The following PAK5 variants were observed in gnomAD, a reference collection of about 807,000 sequenced individuals.
PAK5 encodes the protein p21 (RAC1) activated kinase 5.
PAK5 carries 16 observed loss-of-function variants against 65.9 expected under a neutral mutation model. The observed-to-expected ratio is 0.24, with a 90% CI of 0.16 to 0.37. The LOEUF (loss-of-function observed/expected upper bound fraction) is 0.37. PAK5 is among the 10% of genes least tolerant of loss of function. The probability of loss-of-function intolerance (pLI) is 1.00; values close to 1 mark genes in which losing one functional copy is unlikely to be tolerated. For synonymous variants in PAK5, 371 were observed against 354.9 expected (o/e 1.05, Z -0.51); for missense variants, 785 against 903.9 (o/e 0.87, Z 1.69).
intron 2 of PAK5, among the ~76,000 whole-genome samples, chr20:9,646,613 T>A (rs1412245493): frequency 6.6e-6 from 1 of 152,156 alleles, no homozygotes; most frequent in African/African-American, 2.4e-5. Flanking sequence ...TGGCCCACAA[T>A]GTTTCATTCT....
intron 1 of PAK5, among the ~76,000 whole-genome samples, chr20:9,777,692 T>C (rs1389131481): frequency 1.3e-5 from 2 of 152,200 alleles, no homozygotes; most frequent in Non-Finnish European, 2.9e-5. Context: ...GGAAGATCAT[T>C]ATATACATAT....
At chr20:9,810,789 C>T (rs2049289613) in intron 1 of PAK5, among the ~76,000 whole-genome samples, 1 of 152,126 alleles carries the variant, frequency 6.6e-6, no homozygotes, top group South Asian at 2.1e-4. Flanking sequence ...CACCATATCT[C>T]ACAAAAATGA....
chr20:9,655,082 C>G (rs533111198), intron 2 of PAK5, among the ~76,000 whole-genome samples: 1 of 152,232 alleles, frequency 6.6e-6, no homozygotes, highest in South Asian at 2.1e-4. Context: ...TTCCCTTCCA[C>G]TAGACTTACT....
chr20:9,734,453 A>G (rs2123563571), intron 1 of PAK5, among the ~76,000 whole-genome samples: 1 of 152,284 alleles, frequency 6.6e-6, no homozygotes. Context: ...CAGAAATGAC[A>G]TTAGGGAATA....
At chr20:9,738,135 C>T (rs1034583785) in intron 1 of PAK5, among the ~76,000 whole-genome samples, 20 of 151,152 alleles carry the variant, frequency 1.3e-4, no homozygotes, top group African/African-American at 2.4e-4. Flanking sequence ...GAGTGAGACT[C>T]GGTCTCAAAA....
At position 9,592,648 on chromosome 20, in the gene PAK5, A is replaced by G. The variant is rs77499784; in HGVS notation, c.205-11718T>C. On this transcript the variant is annotated intron_variant, in intron 3 of 9. Coordinates refer to ENST00000353224, the MANE Select transcript of PAK5 (RefSeq NM_177990.4). ...TTGTCCAGCAAATATGCAGCACTCT[A>G]TGGGCAGCTTCTGCAAAGGTGGGAC... Among the ~76,000 whole-genome samples, 232 of 152,338 alleles carry G rather than the reference A, an allele frequency of 1.5e-3. 3 individuals are homozygous for G. Among genetic ancestry groups the G allele is most frequent in the East Asian group, 0.011 (55 of 5,186 alleles).
At position 9,622,900 on chromosome 20, in the gene PAK5, C is replaced by T. The variant is rs2046791095; in HGVS notation, c.204+21225G>A. ...CCTGGTGTGTGCTCAGTCTGTATCTCTCTCTCTGTTTCTCTCTCTCTTTAT... is the reference window on the plus strand; with the variant it reads ...CCTGGTGTGTGCTCAGTCTGTATCTTTCTCTCTGTTTCTCTCTCTCTTTAT... On this transcript the variant is annotated intron_variant, in intron 3 of 9. Transcript: ENST00000353224. Among the ~76,000 whole-genome samples, 3 of 152,196 alleles carry T rather than the reference C, an allele frequency of 2.0e-5. No individual in the cohort carries two copies. The South Asian group carries it at 6.2e-4, about 32-fold the overall frequency.
chr20:9,805,660 A>C (rs1273885708), intron 1 of PAK5, among the ~76,000 whole-genome samples: 2 of 152,354 alleles, frequency 1.3e-5, no homozygotes, highest in East Asian at 3.9e-4. Context: ...TATAAATTAC[A>C]CATATAAGAA....
At chr20:9,769,786 C>G (rs931454956) in intron 1 of PAK5, among the ~76,000 whole-genome samples, 1 of 152,212 alleles carries the variant, frequency 6.6e-6, no homozygotes, top group African/African-American at 2.4e-5. Flanking sequence ...TTTTCCTCTT[C>G]TTTTAATCAG....
At chr20:9,625,796 T>C (rs1440590381) in intron 3 of PAK5, among the ~76,000 whole-genome samples, 2 of 152,204 alleles carry the variant, frequency 1.3e-5, no homozygotes, top group Admixed American at 6.5e-5. Context: ...GCTGACAATT[T>C]ATAGGCTTGT....
At chr20:9,828,800 T>C (rs1400676415) in intron 1 of PAK5, among the ~76,000 whole-genome samples, 1 of 152,224 alleles carries the variant, frequency 6.6e-6, no homozygotes, top group African/African-American at 2.4e-5. Flanking sequence ...ACAGAGATCT[T>C]ATATTTGGAA....
intron 1 of PAK5, among the ~76,000 whole-genome samples, chr20:9,735,035 T>C (rs1012408817): frequency 4.6e-5 from 7 of 152,252 alleles, no homozygotes; most frequent in Admixed American, 2.6e-4. Context: ...TTACTAGCTA[T>C]GTGCTTTAAA....
intron 1 of PAK5, among the ~76,000 whole-genome samples, chr20:9,790,998 C>T (rs1353893227): frequency 1.3e-5 from 2 of 152,138 alleles, no homozygotes; most frequent in African/African-American, 4.8e-5. Flanking sequence ...CCTTCCTTCT[C>T]CTGTTTCTGC....
intron 2 of PAK5, among the ~76,000 whole-genome samples, chr20:9,709,286 T>C (rs542567910): frequency 6.6e-6 from 1 of 152,304 alleles, no homozygotes; most frequent in African/African-American, 2.4e-5. Flanking sequence ...ACTTGTGCAC[T>C]GGTAGCTCTT....
At chr20:9,539,970 C>T (rs181635484) in intron 9 of PAK5, among the ~76,000 whole-genome samples, 1 of 152,106 alleles carries the variant, frequency 6.6e-6, no homozygotes, top group Non-Finnish European at 1.5e-5. Context: ...AAACAGGGAG[C>T]CGTTTTATTT....
At chr20:9,793,159 G>A (rs554620626) in intron 1 of PAK5, among the ~76,000 whole-genome samples, 69 of 152,066 alleles carry the variant, frequency 4.5e-4, no homozygotes, top group Non-Finnish European at 8.7e-4. Context: ...CTTTGGAGCT[G>A]ACTTTATCCA....
rs750355969 is a variant in PAK5, at chr20:9,838,143, A to G, written c.-162+619T>C. ...CCTGCTCACAAGGGTGCCCACAAGC[A>G]GAAGTTCTCTCTCTGTCTCTCCATT... is the stretch of plus-strand genomic sequence containing the variant. On this transcript the variant is annotated intron_variant, in intron 1 of 9. Transcript: ENST00000353224. This position sits in a 1 kb window ranked among gnomAD's most constrained non-coding sequence, Gnocchi z 4.5. Among the ~76,000 whole-genome samples, 3 of 151,874 alleles carry G rather than the reference A, an allele frequency of 2.0e-5. No individual in the cohort carries two copies. Among genetic ancestry groups the G allele is most frequent in the Non-Finnish European group, 4.4e-5 (3 of 68,010 alleles).
intron 1 of PAK5, among the ~76,000 whole-genome samples, chr20:9,732,199 A>T (rs2048341716): frequency 6.6e-6 from 1 of 152,168 alleles, no homozygotes; most frequent in African/African-American, 2.4e-5. Context: ...AAGTTAAAAA[A>T]AAAGTTTTAA....
chr20:9,569,868 C>G (rs1252882051), intron 4 of PAK5, among the ~76,000 whole-genome samples: 1 of 151,860 alleles, frequency 6.6e-6, no homozygotes, highest in Admixed American at 6.5e-5. Context: ...CTACACTTTA[C>G]TAGGTGAATT....
Sources: gnomAD v4.1 joint callset for allele counts (sites outside exome capture counted in the v4.1 genomes callset) on GRCh38, gnomAD v4.1.1 for gene constraint, Gnocchi (gnomAD v3.1) non-coding constraint, MANE v1.5 for transcripts, NCBI Gene and HGNC (gene_info 2026-07-23, HGNC 2026-07-21) for gene names.